Variants in SPTB observed in about 807,000 individuals in gnomAD.
SPTB encodes the protein spectrin beta, erythrocytic.
Under a neutral mutation model 256.2 loss-of-function variants are expected in SPTB, and 45 were observed. The ratio of observed to expected loss-of-function variants is 0.18; its 90% CI spans 0.14 to 0.23. The LOEUF is 0.23. Among genes scored for constraint, SPTB ranks in the 10% least tolerant of loss-of-function variants. The pLI, the probability that SPTB is intolerant of heterozygous loss-of-function variation, is 1.00. For missense variants in SPTB, 2,715 were observed against 3,040.4 expected (o/e 0.89, Z 2.52); for synonymous variants, 1,231 against 1,243.1 (o/e 0.99, Z 0.21).
At chr14:64,843,536 GC>G (rs933797212) in intron 1 of SPTB, among the ~76,000 whole-genome samples, 39 of 152,310 alleles carry the variant, frequency 2.6e-4, no homozygotes, top group African/African-American at 9.1e-4. Context: ...CTTGGTCACA[GC>G]CCCATCGCAG....
intron 1 of SPTB, among the ~76,000 whole-genome samples, chr14:64,828,465 G>A: frequency 6.6e-6 from 1 of 152,142 alleles, no homozygotes; most frequent in East Asian, 1.9e-4. Context: ...AATGTCCACT[G>A]GGAACCATTA....
At chr14:64,857,728 TAATTA>T (rs1359527943) in intron 1 of SPTB, among the ~76,000 whole-genome samples, 6 of 152,190 alleles carry the variant, frequency 3.9e-5, no homozygotes, top group Non-Finnish European at 8.8e-5. Flanking sequence ...GTTGTTTTAT[TAATTA>T]CTCTATTTAC....
At position 64,775,216 on chromosome 14, in the gene SPTB, T is replaced by C. The variant is rs1329787884; in HGVS notation, c.4751A>G (p.Asn1584Ser). 1.9e-6 allele frequency: 3 copies of C among 1,613,780 alleles called. No homozygotes were observed. In the African/African-American group the frequency reaches 4.0e-5, roughly 22 times the overall value. The change falls in exon 23 of 36, where the codon AAC becomes AGC. Residue 1584 changes from asparagine to serine, a missense_variant. Asn to Ser is a conservative substitution (Grantham distance 46). This residue lies in a region of SPTB where 2,239 missense variants were observed against 2,384.4 expected (regional missense o/e 0.94). Coordinates refer to ENST00000644917, the MANE Select transcript of SPTB (RefSeq NM_001355436.2). This position sits in a 1 kb window ranked among gnomAD's most constrained non-coding sequence, Gnocchi z 5.0. ...AGRLQRLRDA[N>S]EAQQYYLDAD... Reference sequence around the variant, plus strand: ...ATCCAGGTAGTACTGCTGTGCCTCGTTGGCGTCCCTCAGTCGCTGCAGCCT... The same window carrying C: ...ATCCAGGTAGTACTGCTGTGCCTCGCTGGCGTCCCTCAGTCGCTGCAGCCT...
chr14:64,775,414 A>G lies in SPTB; in HGVS notation c.4564-11T>C. 6.2e-7 allele frequency: 1 copy of G among 1,609,838 alleles called. No homozygotes were observed. The highest frequency in any genetic ancestry group is 8.5e-7 in the Non-Finnish European group (1 of 1,176,970). ...CTCATTCTGCAGTGTCTGCGGCCAG[A>G]AGGAAGGGCTCGGGGCAGGGCCTTC... On this transcript the variant is annotated splice_polypyrimidine_tract_variant and intron_variant, in intron 22 of 35. Coordinates refer to ENST00000644917, the MANE Select transcript of SPTB (RefSeq NM_001355436.2). The surrounding 1 kb of genome is among the most constrained non-coding windows in gnomAD (Gnocchi z 5.0).
intron 33 of SPTB, among the ~76,000 whole-genome samples, chr14:64,751,724 T>C (rs565056524): frequency 3.6e-4 from 55 of 152,150 alleles, no homozygotes; most frequent in Middle Eastern, 3.4e-3. Context: ...GTTTCAGTGA[T>C]TGTTTTCTGT....
chr14:64,770,922 T>G lies in SPTB; in HGVS notation c.5761A>C (p.Ser1921Arg), dbSNP rs374275794. The G allele has an allele frequency of 6.2e-7, 1 of 1,613,954 alleles. No homozygotes were observed. Among genetic ancestry groups the G allele is most frequent in the Non-Finnish European group, 8.5e-7 (1 of 1,180,014 alleles). Residue 1921 changes from serine (S) to arginine (R), a missense_variant, in exon 27 of 36, where the codon AGC becomes CGC. Physicochemically the swap from Ser to Arg is moderately radical, Grantham distance 110. Transcript: ENST00000644917. ...MARDLLSWMESIIRQIETQER... is the reference protein window; with the variant it reads ...MARDLLSWMERIIRQIETQER... ...TGGGTCTCGATCTGCCGGATGATGCTCTCCATCCAGGAGAGGAGGTCACGG... is the reference window on the plus strand; with the variant it reads ...TGGGTCTCGATCTGCCGGATGATGCGCTCCATCCAGGAGAGGAGGTCACGG...
At chr14:64,813,901 A>T (rs2083138812) in intron 2 of SPTB, among the ~76,000 whole-genome samples, 1 of 152,220 alleles carries the variant, frequency 6.6e-6, no homozygotes, top group Admixed American at 6.5e-5. Context: ...AATAAAGCCT[A>T]GCATGGGGCA....
At chr14:64,812,617 C>G (rs959367650) in intron 2 of SPTB, among the ~76,000 whole-genome samples, 1 of 152,004 alleles carries the variant, frequency 6.6e-6, no homozygotes, top group Non-Finnish European at 1.5e-5. Flanking sequence ...TTCTCCGTGG[C>G]TCCTCCCTCC....
rs2083798149 is a variant in SPTB, at chr14:64,852,106, A to C, written c.-52+27686T>G. Among the ~76,000 whole-genome samples, 1 of 152,192 alleles carries C rather than the reference A, an allele frequency of 6.6e-6. No homozygotes were observed. Among genetic ancestry groups the C allele is most frequent in the South Asian group, 2.1e-4 (1 of 4,832 alleles). ...AAAAACAGGCTAGGTGACAACGAGG[A>C]AAGGGAAGTACCTGGGGTTTCATGG... On this transcript the variant is annotated intron_variant, in intron 1 of 35. Coordinates refer to ENST00000644917, the MANE Select transcript of SPTB (RefSeq NM_001355436.2). This position sits in a 1 kb window ranked among gnomAD's most constrained non-coding sequence, Gnocchi z 4.2.
rs435006 is a variant in SPTB at position 64,858,514 on chromosome 14, A to G, written c.-52+21278T>C. Among the ~76,000 whole-genome samples, 177 of 152,118 alleles carry G rather than the reference A, an allele frequency of 1.2e-3. 1 individual carries two copies. The highest frequency in any genetic ancestry group is 4.2e-3 in the African/African-American group (173 of 41,476). ...AAGGGAAGCGAGCAGAGCCTGGACA[A>G]CCACAGGTGACTGGAAGAAGAGAGG... is the stretch of plus-strand genomic sequence containing the variant. On this transcript the variant is annotated intron_variant, in intron 1 of 35. Transcript: ENST00000644917.
At chr14:64,818,152 G>C (rs2083224562) in intron 2 of SPTB, among the ~76,000 whole-genome samples, 1 of 152,204 alleles carries the variant, frequency 6.6e-6, no homozygotes, top group Non-Finnish European at 1.5e-5. Flanking sequence ...ACACAATTCT[G>C]TGCACCTGGT....
intron 1 of SPTB, among the ~76,000 whole-genome samples, chr14:64,846,314 G>C (rs2083691938): frequency 6.6e-6 from 1 of 152,200 alleles, no homozygotes; most frequent in African/African-American, 2.4e-5. Flanking sequence ...AGGGGGGATT[G>C]TAAAGACCCC....
intron 15 of SPTB, 98 bp from the exon 16 acceptor site, chr14:64,787,258 T>C (rs1381643852): frequency 3.3e-6 from 5 of 1,496,188 alleles, no homozygotes; most frequent in Non-Finnish European, 4.5e-6. Context: ...TTCCCACAAG[T>C]CTCCCCCCAC....
chr14:64,793,997 T>G lies in SPTB; in HGVS notation c.1796-130A>C, dbSNP rs756135879. The G allele has an allele frequency of 2.9e-5, 23 of 784,876 alleles. No homozygotes were observed. The highest frequency in any genetic ancestry group is 4.6e-5 in the Non-Finnish European group (23 of 504,920). The allele number at this position is 784,876 out of a possible 1,614,324, so 48.6% of individuals were successfully genotyped here. On this transcript the variant is annotated intron_variant, in intron 13 of 35. Transcript: ENST00000644917. The surrounding 1 kb of genome is among the most constrained non-coding windows in gnomAD (Gnocchi z 7.0). ...ATGTCACTGGGGCTTTGGGGTTGGATGCAGGGGGGTCCCAGTTGCTCAGAG... is the reference window on the plus strand; with the variant it reads ...ATGTCACTGGGGCTTTGGGGTTGGAGGCAGGGGGGTCCCAGTTGCTCAGAG...
chr14:64,866,688 T>C lies in SPTB; in HGVS notation c.-52+13104A>G, dbSNP rs1307216625. 1.3e-5 allele frequency among the ~76,000 whole-genome samples: 2 copies of C among 151,848 alleles called. No homozygotes were observed. The highest frequency in any genetic ancestry group is 6.6e-5 in the Admixed American group (1 of 15,232). ...CCTGAGCAAGCAGAATTCGGGTGAG[T>C]CCAGCCGTTGGTGAGGCTCACTTTT... On this transcript the variant is annotated intron_variant, in intron 1 of 35. Transcript: ENST00000644917. The surrounding 1 kb of genome is among the most constrained non-coding windows in gnomAD (Gnocchi z 4.6).
chr14:64,828,058 T>C (rs900132098), intron 1 of SPTB, among the ~76,000 whole-genome samples: 3 of 152,242 alleles, frequency 2.0e-5, no homozygotes, highest in Non-Finnish European at 4.4e-5. Context: ...GCATCACTGA[T>C]GGACTATGGT....
chr14:64,792,896 A>T lies in SPTB; in HGVS notation c.2666+101T>A. The T allele has an allele frequency of 6.4e-7, 1 of 1,551,186 alleles. No individual in the cohort carries two copies. Among genetic ancestry groups the T allele is most frequent in the Non-Finnish European group, 8.8e-7 (1 of 1,132,636 alleles). ...AACAAAGGACATCCCAGGGCCTCTCAAAGAGACCTTTGCTGATCCAGAGAC... is the reference window on the plus strand; with the variant it reads ...AACAAAGGACATCCCAGGGCCTCTCTAAGAGACCTTTGCTGATCCAGAGAC... On this transcript the variant is annotated intron_variant, in intron 14 of 35. Coordinates refer to ENST00000644917, the MANE Select transcript of SPTB (RefSeq NM_001355436.2). The surrounding 1 kb of genome is among the most constrained non-coding windows in gnomAD (Gnocchi z 4.2).
At chr14:64,774,992 T>C (rs2082335459) in intron 23 of SPTB, 133 bp downstream of exon 23, 2 of 1,291,470 alleles carry the variant, frequency 1.5e-6, no homozygotes, top group Non-Finnish European at 1.1e-6. Context: ...GCAGGGAGTC[T>C]GTGGGTTCCT....
chr14:64,873,958 T>C lies in SPTB; in HGVS notation c.-52+5834A>G, dbSNP rs1288345895. Among the ~76,000 whole-genome samples the C allele has an allele frequency of 1.3e-5, 2 of 152,242 alleles. No individual in the cohort carries two copies. Among genetic ancestry groups the C allele is most frequent in the African/African-American group, 4.8e-5 (2 of 41,456 alleles). ...TGCTGAAAATTGAGTGGACTATAGT[T>C]ATCTGTGATCATCATCTTGTACTGG... is the stretch of plus-strand genomic sequence containing the variant. On this transcript the variant is annotated intron_variant, in intron 1 of 35. Transcript: ENST00000644917. This position sits in a 1 kb window ranked among gnomAD's most constrained non-coding sequence, Gnocchi z 4.3.
Sources: allele counts gnomAD v4.1 joint callset (sites outside exome capture counted in the v4.1 genomes callset), GRCh38; gene constraint gnomAD v4.1.1; regional missense constraint gnomAD v4.1.1; non-coding constraint Gnocchi (gnomAD v3.1); transcripts MANE v1.5; gene names NCBI Gene and HGNC (gene_info 2026-07-23, HGNC 2026-07-21).